Variants in ZDHHC11B observed in about 807,000 individuals in gnomAD.
ZDHHC11B encodes the protein zDHHC palmitoyltransferase 11B (putative).
ZDHHC11B carries 17 observed loss-of-function variants against 42.3 expected under a neutral mutation model. The observed-to-expected ratio is 0.40, with a 90% CI of 0.27 to 0.60. The LOEUF is 0.60. ZDHHC11B is among the 20% of genes least tolerant of loss of function. The pLI is 0.41. For missense variants in ZDHHC11B, 262 were observed against 463.2 expected (o/e 0.57, Z 3.99); for synonymous variants, 123 against 193.5 (o/e 0.64, Z 3.02).
chr5:776,314 TG>T (rs1295765430), intron 1 of ZDHHC11B, among the ~76,000 whole-genome samples: 1 of 151,828 alleles, frequency 6.6e-6, no homozygotes, highest in Non-Finnish European at 1.5e-5. Context: ...ACCGAAGCCC[TG>T]GGATGGCCCC....
intron 3 of ZDHHC11B, 111 bp downstream of exon 3, chr5:767,281 G>C (rs531099531): frequency 5.5e-6 from 7 of 1,267,984 alleles, no homozygotes; most frequent in Non-Finnish European, 6.6e-6. Flanking sequence ...CCATCTGGAC[G>C]GCTGCGGGAT....
intron 6 of ZDHHC11B, among the ~76,000 whole-genome samples, chr5:754,714 C>T (rs1579371130): frequency 9.1e-6 from 1 of 110,440 alleles, no homozygotes; most frequent in South Asian, 4.2e-4. Flanking sequence ...CCCAGGACAG[C>T]GTGGTCAGGA....
At chr5:770,843 GC>G (rs1295422951) in intron 1 of ZDHHC11B, among the ~76,000 whole-genome samples, 1 of 151,914 alleles carries the variant, frequency 6.6e-6, no homozygotes, top group African/African-American at 2.4e-5. Flanking sequence ...TAAGGCGCCC[GC>G]CCCCAGAGCA....
At chr5:779,016 C>T (rs1450217160) in intron 1 of ZDHHC11B, among the ~76,000 whole-genome samples, 1 of 151,364 alleles carries the variant, frequency 6.6e-6, no homozygotes, top group Non-Finnish European at 1.5e-5. Context: ...TGTCGGACGC[C>T]AAGCCTGCAG....
chr5:773,702 C>T (rs547759641), intron 1 of ZDHHC11B, among the ~76,000 whole-genome samples: 1 of 152,010 alleles, frequency 6.6e-6, no homozygotes, highest in East Asian at 1.9e-4. Context: ...TGCCCCTTCC[C>T]TGGCCAAACC....
intron 1 of ZDHHC11B, among the ~76,000 whole-genome samples, chr5:783,667 ACAG>A (rs1737025281): frequency 7.1e-6 from 1 of 140,180 alleles, no homozygotes; most frequent in Non-Finnish European, 1.5e-5. Flanking sequence ...CCCCATCAAA[ACAG>A]CAGCCCCCAA....
intron 4 of ZDHHC11B, among the ~76,000 whole-genome samples, chr5:760,387 A>G (rs56123360): frequency 0.083 from 12,158 of 145,772 alleles, 52 homozygotes; most frequent in African/African-American, 0.15. Flanking sequence ...AGACACACGC[A>G]GAGAAAAGAC....
chr5:758,528 G>A lies in ZDHHC11B; in HGVS notation c.223-2384C>T, dbSNP rs1277489264. Among the ~76,000 whole-genome samples the A allele has an allele frequency of 3.3e-5, 5 of 151,774 alleles. 1 individual carries two copies. The highest frequency in any genetic ancestry group is 4.4e-5 in the Non-Finnish European group (3 of 67,902). ...ATTGACTTCCCTGTGGAGGAGCTCA[G>A]GGCTGTCCTGAGCCTGAACCTGCCA... On this transcript the variant is annotated intron_variant, in intron 4 of 13. Transcript: ENST00000508859.
intron 10 of ZDHHC11B, among the ~76,000 whole-genome samples, chr5:737,248 A>C (rs381164): frequency 0.014 from 1,773 of 131,316 alleles, 26 homozygotes; most frequent in African/African-American, 0.043. Context: ...ATACAACCCA[A>C]CTAGATTAAA....
intron 6 of ZDHHC11B, among the ~76,000 whole-genome samples, chr5:753,384 C>A (rs1242229365): frequency 2.3e-5 from 3 of 130,958 alleles, no homozygotes; most frequent in Middle Eastern, 3.8e-3. Context: ...GCCCATGACC[C>A]CGGCCCTGCT....
At position 754,628 on chromosome 5, in the gene ZDHHC11B, G is replaced by T. The variant is rs1733556556; in HGVS notation, c.503+370C>A. ...GAAACACCTCTCGTCCATCTGCGCT[G>T]GGTGCCCACTGCCCTTCCGTGGCCC... On this transcript the variant is annotated intron_variant, in intron 6 of 13. Transcript: ENST00000508859. Among the ~76,000 whole-genome samples, 2 of 40,810 alleles carry T rather than the reference G, an allele frequency of 4.9e-5. 1 individual carries two copies. The highest frequency in any genetic ancestry group is 8.9e-5 in the Non-Finnish European group (2 of 22,590). 26.8% of individuals were successfully genotyped at this position (40,810 alleles called of 152,430 possible).
chr5:728,586 T>C (rs1304932245), intron 12 of ZDHHC11B, among the ~76,000 whole-genome samples: 1 of 152,006 alleles, frequency 6.6e-6, no homozygotes, highest in African/African-American at 2.4e-5. Context: ...ATCTATGCCA[T>C]ATTGTTGAAG....
At chr5:745,531 A>T (rs1744691993) in intron 8 of ZDHHC11B, among the ~76,000 whole-genome samples, 2 of 149,824 alleles carry the variant, frequency 1.3e-5, no homozygotes, top group African/African-American at 4.9e-5. Flanking sequence ...CGACCTGGGG[A>T]ACGGTGCTGA....
At chr5:733,306 C>T (rs1223004469) in intron 11 of ZDHHC11B, among the ~76,000 whole-genome samples, 1 of 151,760 alleles carries the variant, frequency 6.6e-6, no homozygotes, top group Non-Finnish European at 1.5e-5. Flanking sequence ...CGTGTGACCA[C>T]ACACACATCG....
chr5:739,705 G>A (rs1743952092), intron 10 of ZDHHC11B, among the ~76,000 whole-genome samples: 1 of 145,590 alleles, frequency 6.9e-6, no homozygotes, highest in South Asian at 2.4e-4. Context: ...AAAACAGTAC[G>A]GAGATTCTGT....
intron 4 of ZDHHC11B, among the ~76,000 whole-genome samples, chr5:758,259 GCTGGAGCAGCACTTCCCTCA>G (rs1471707161): frequency 6.6e-6 from 1 of 151,970 alleles, no homozygotes; most frequent in African/African-American, 2.4e-5. Context: ...CCTCTGCAGA[GCTGGAGCAGCACTTCCCTCA>G]CTGGAAACCA....
chr5:741,756 G>A, intron 9 of ZDHHC11B, 128 bp from the exon 10 acceptor site: 2 of 693,836 alleles, frequency 2.9e-6, no homozygotes, highest in Non-Finnish European at 4.8e-6. Context: ...CTTGGGTCCT[G>A]AGTTCAGATC....
intron 4 of ZDHHC11B, among the ~76,000 whole-genome samples, chr5:758,237 G>A (rs752646464): frequency 4.0e-5 from 6 of 151,884 alleles, no homozygotes; most frequent in Non-Finnish European, 8.8e-5. Context: ...TGTGGCCCAG[G>A]GGAAGCCCCT....
rs542419224 is a variant in ZDHHC11B, at chr5:766,909, C to T, written c.11G>A (p.Arg4His). ...GGTGACGGAACACTGGCTCCCGGAGCGGGTGTCCATCTGCAGGACACAGAA... is the reference window on the plus strand; with the variant it reads ...GGTGACGGAACACTGGCTCCCGGAGTGGGTGTCCATCTGCAGGACACAGAA... MDT[R>H]SGSQCSVTPE... The change falls in exon 4 of 14, where the codon CGC becomes CAC. Residue 4 changes from arginine (R) to histidine (H), a missense_variant. Around this residue, in one of 5 missense-constraint regions of ZDHHC11B, gnomAD observed 97 missense variants for 98.1 expected, o/e 0.99. Transcript: ENST00000508859. 33 of 1,611,956 alleles carry T rather than the reference C, an allele frequency of 2.0e-5. No homozygotes were observed. Among genetic ancestry groups the T allele is most frequent in the African/African-American group, 9.4e-5 (7 of 74,712 alleles).
Sources: allele counts gnomAD v4.1 joint callset (sites outside exome capture counted in the v4.1 genomes callset), GRCh38; gene constraint gnomAD v4.1.1; regional missense constraint gnomAD v4.1.1; transcripts MANE v1.5; gene names NCBI Gene and HGNC (gene_info 2026-07-23, HGNC 2026-07-21).